The following USO1 variants were observed in gnomAD, a reference collection of about 807,000 sequenced individuals.
USO1 encodes USO1 vesicle transport factor.
Under a neutral mutation model 124.5 loss-of-function variants are expected in USO1, and 57 were observed. The observed-to-expected ratio is 0.46, with a 90% CI of 0.37 to 0.57. USO1 has a LOEUF of 0.57. Among genes scored for constraint, USO1 ranks in the 20% least tolerant of loss-of-function variants. The pLI, the probability that USO1 is intolerant of heterozygous loss-of-function variation, is 0.00. For synonymous variants in USO1, 369 were observed against 362.8 expected, an observed-to-expected ratio of 1.02 and a Z score of -0.19; for missense variants, 900 against 1,040.6, an observed-to-expected ratio of 0.86 and a Z score of 1.86.
chr4:75,801,237 C>CA (rs1722842606), intron 17 of USO1, 37 bp downstream of exon 17: 2 of 1,503,036 alleles, frequency 1.3e-6, no homozygotes, highest in Admixed American at 2.3e-5. Flanking sequence ...CTCTGATTAC[C>CA]AATAGGCACT....
chr4:75,777,737 G>A (rs1300159988), intron 8 of USO1, among the ~76,000 whole-genome samples: 1 of 152,218 alleles, frequency 6.6e-6, no homozygotes, highest in African/African-American at 2.4e-5. Context: ...ATTTGTTGCT[G>A]ATGGGAATGC....
At chr4:75,804,444 G>A (rs982397397) in intron 18 of USO1, among the ~76,000 whole-genome samples, 172 bp downstream of exon 18, 1 of 152,166 alleles carries the variant, frequency 6.6e-6, no homozygotes, top group Non-Finnish European at 1.5e-5. Context: ...GAGCAGTTAA[G>A]ACTGGACCTT....
At chr4:75,764,863 G>A (rs1346594741) in intron 4 of USO1, among the ~76,000 whole-genome samples, 1 of 152,074 alleles carries the variant, frequency 6.6e-6, no homozygotes, top group Non-Finnish European at 1.5e-5. Context: ...CCTGAAGATT[G>A]GCAATACCTG....
chr4:75,734,774 G>C (rs572401383), intron 1 of USO1, among the ~76,000 whole-genome samples: 2 of 112,294 alleles, frequency 1.8e-5, no homozygotes, highest in African/African-American at 3.4e-5. Flanking sequence ...TGTTGCCCAG[G>C]CTGGGGTGCA....
In USO1 at chr4:75,800,234, G is replaced by A. The variant is rs1436963787; in HGVS notation, c.1564-117G>A. The A allele has an allele frequency of 1.1e-5, 14 of 1,259,648 alleles. 1 individual carries two copies. In the Admixed American group the frequency reaches 1.7e-4, roughly 15 times the overall value. 78.0% of individuals were successfully genotyped at this position (1,259,648 alleles called of 1,614,324 possible). On this transcript the variant is annotated intron_variant, in intron 14 of 23. Coordinates refer to ENST00000514213, the MANE Select transcript of USO1 (RefSeq NM_003715.4). ...TTACAGGCATGAGCCACCACACCTA[G>A]CCTATATATGGAATTTCTTATGGGA...
chr4:75,757,478 AAT>A lies in USO1; in HGVS notation c.219-17_219-16del. The A allele has an allele frequency of 6.8e-7, 1 of 1,479,990 alleles. No homozygotes were observed. Among genetic ancestry groups the A allele is most frequent in the Non-Finnish European group, 9.0e-7 (1 of 1,111,808 alleles). 91.7% of individuals were successfully genotyped at this position (1,479,990 alleles called of 1,614,324 possible). A position where few individuals can be genotyped will look rare whatever the true frequency, so the allele number is the denominator to read the frequency against. ...ACTCTCATCAGCAGTGTATAAGTGT[AAT>A]AATTTCTTTTTTCCAGTTCAGATTC... On this transcript the variant is annotated splice_polypyrimidine_tract_variant and intron_variant, in intron 3 of 23. Transcript: ENST00000514213.
intron 1 of USO1, 100 bp downstream of exon 1, chr4:75,724,985 G>A: frequency 7.4e-7 from 1 of 1,358,340 alleles, no homozygotes; most frequent in East Asian, 2.4e-5. Context: ...TCCCACCATG[G>A]AGGGGGCATC....
intron 8 of USO1, among the ~76,000 whole-genome samples, chr4:75,778,919 A>T (rs1722144347): frequency 6.6e-6 from 1 of 152,226 alleles, no homozygotes; most frequent in Non-Finnish European, 1.5e-5. Flanking sequence ...GTTTTTTACC[A>T]GCTGAAGGCT....
At chr4:75,767,494 C>G (rs1324724893) in intron 4 of USO1, 2 of 429,844 alleles carry the variant, frequency 4.7e-6, no homozygotes, top group Admixed American at 2.7e-5. Flanking sequence ...CCTGTAATCC[C>G]AGCACTTTGG....
chr4:75,765,077 G>A (rs908036398), intron 4 of USO1, among the ~76,000 whole-genome samples: 8 of 151,784 alleles, frequency 5.3e-5, no homozygotes, highest in Admixed American at 1.3e-4. Context: ...ACTTTCAAAC[G>A]CATGATTTTT....
intron 10 of USO1, among the ~76,000 whole-genome samples, chr4:75,789,217 C>T (rs1335091756): frequency 6.6e-6 from 1 of 152,190 alleles, no homozygotes; most frequent in Non-Finnish European, 1.5e-5. Flanking sequence ...TGGAAATATA[C>T]ATCCTTCAGT....
rs574547780 is a variant in USO1 at position 75,771,202 on chromosome 4, CTTG to C, written c.555+72_555+74del. The C allele has an allele frequency of 6.5e-5, 98 of 1,501,836 alleles. No homozygotes were observed. The African/African-American group carries it at 1.1e-3, about 17-fold the overall frequency. The allele number at this position is 1,501,836 out of a possible 1,614,324, so 93.0% of individuals were successfully genotyped here. On this transcript the variant is annotated intron_variant, in intron 7 of 23. Transcript: ENST00000514213. The stretch of plus-strand genomic sequence containing the variant: ...TTTTTTTTCTCTTGCAAATGAAATC[CTTG>C]TTGTTGAGTTTTAGGAAATTAGATT...
intron 17 of USO1, among the ~76,000 whole-genome samples, chr4:75,803,813 C>A (rs538383178): frequency 5.3e-5 from 8 of 151,860 alleles, no homozygotes; most frequent in Non-Finnish European, 1.2e-4. Flanking sequence ...TACTAAATTT[C>A]TTAAATAGTT....
Position 75,782,914 on chromosome 4 carries a change from G to A in USO1, c.855+56G>A. The A allele has an allele frequency of 6.7e-6, 10 of 1,495,094 alleles. No individual in the cohort carries two copies. In the South Asian group the frequency reaches 1.3e-4, roughly 20 times the overall value. 92.6% of individuals were successfully genotyped at this position (1,495,094 alleles called of 1,614,324 possible). On this transcript the variant is annotated intron_variant, in intron 9 of 23. Transcript: ENST00000514213. ...GAATTTTGACAGTGATCTTTTCAAA[G>A]AGAAGAAAATCGCTTGTATTTGATA...
At chr4:75,791,521 C>A (rs1314375679) in intron 12 of USO1, among the ~76,000 whole-genome samples, 2 of 151,922 alleles carry the variant, frequency 1.3e-5, no homozygotes, top group Non-Finnish European at 2.9e-5. Context: ...GAGACTGTGC[C>A]TCAAAAATAA....
chr4:75,762,172 T>TC (rs951575731), intron 4 of USO1, among the ~76,000 whole-genome samples: 3 of 137,698 alleles, frequency 2.2e-5, no homozygotes, highest in African/African-American at 8.2e-5. Flanking sequence ...TACTTTTTTT[T>TC]TTTTTTTTTT....
At chr4:75,799,591 G>T in intron 13 of USO1, 31 bp from the exon 14 acceptor site, 5 of 1,606,332 alleles carry the variant, frequency 3.1e-6, no homozygotes, top group Non-Finnish European at 4.2e-6. Context: ...TAAAATGAAT[G>T]GAAAGATTTC....
intron 9 of USO1, among the ~76,000 whole-genome samples, chr4:75,784,326 C>T (rs1722300918): frequency 6.6e-6 from 1 of 152,162 alleles, no homozygotes; most frequent in African/African-American, 2.4e-5. Flanking sequence ...GCCTACACTG[C>T]TTTCTTAAAT....
At chr4:75,798,489 A>T (rs1467552129) in intron 13 of USO1, among the ~76,000 whole-genome samples, 1 of 152,216 alleles carries the variant, frequency 6.6e-6, no homozygotes, top group Non-Finnish European at 1.5e-5. Flanking sequence ...GGGCATGGTA[A>T]TGACGTAGAG....
Sources: gnomAD v4.1 joint callset for allele counts (sites outside exome capture counted in the v4.1 genomes callset) on GRCh38, gnomAD v4.1.1 for gene constraint, MANE v1.5 for transcripts, NCBI Gene and HGNC (gene_info 2026-07-23, HGNC 2026-07-21) for gene names.